MS4A1: variants seen among roughly 807,000 people sequenced by gnomAD.
MS4A1 encodes the protein B-lymphocyte antigen CD20.
In MS4A1, 16 loss-of-function variants were observed where a neutral mutation model predicts 26.5. That is an observed-to-expected ratio of 0.60 (90% CI 0.41 to 0.92). The LOEUF (loss-of-function observed/expected upper bound fraction) is 0.92. Ranked by LOEUF, MS4A1 falls within the 40% of genes least tolerant of loss-of-function variation. The pLI is 0.00. For synonymous variants in MS4A1, 128 were observed against 117.6 expected (o/e 1.09, Z -0.57); for missense variants, 350 against 353.0 (o/e 0.99, Z 0.07).
intron 1 of MS4A1, among the ~76,000 whole-genome samples, chr11:60,460,314 G>A (rs1050583471): frequency 8.2e-4 from 124 of 152,114 alleles, no homozygotes; most frequent in African/African-American, 2.8e-3. Context: ...TAGCTTCTCC[G>A]TGCCCTTGTT....
chr11:60,465,854 TC>T, intron 5 of MS4A1, 66 bp from the exon 6 acceptor site: 1 of 1,266,908 alleles, frequency 7.9e-7, no homozygotes, highest in Non-Finnish European at 1.2e-6. Context: ...CATTTGGAAT[TC>T]CCTCCCAGAT....
chr11:60,462,546 C>T lies in MS4A1; in HGVS notation c.159+13C>T, dbSNP rs750956381. The T allele has an allele frequency of 1.9e-6, 3 of 1,614,018 alleles. No individual in the cohort carries two copies. Among genetic ancestry groups the T allele is most frequent in the East Asian group, 2.2e-5 (1 of 44,892 alleles). Reference sequence around the variant, plus strand: ...TAAGACTTTGGGGGTAAGTCAGTTGCCTTCCATCCCATGTCGTAGGGATTC... The same window carrying T: ...TAAGACTTTGGGGGTAAGTCAGTTGTCTTCCATCCCATGTCGTAGGGATTC... On this transcript the variant is annotated intron_variant, in intron 3 of 7. Transcript: ENST00000345732.
chr11:60,461,521 G>A lies in MS4A1; in HGVS notation c.-191+361G>A, dbSNP rs568432335. ...ATACTGCATTAGAAAGCCTTAGAGAGCCTTTTCTTTTTCTTTGAGACCGAG... is the reference window on the plus strand; with the variant it reads ...ATACTGCATTAGAAAGCCTTAGAGAACCTTTTCTTTTTCTTTGAGACCGAG... On this transcript the variant is annotated intron_variant, in intron 2 of 7. Coordinates refer to ENST00000345732, the MANE Select transcript of MS4A1 (RefSeq NM_152866.3). 9.2e-5 allele frequency among the ~76,000 whole-genome samples: 14 copies of A among 151,664 alleles called. No individual in the cohort carries two copies. In the East Asian group the frequency reaches 2.7e-3, roughly 30 times the overall value.
intron 1 of MS4A1, among the ~76,000 whole-genome samples, chr11:60,456,467 A>G (rs570592278): frequency 1.2e-4 from 18 of 152,336 alleles, no homozygotes; most frequent in African/African-American, 4.3e-4. Context: ...TTTTGTCTAC[A>G]TTAAATGTAA....
At chr11:60,462,623 A>G in intron 3 of MS4A1, 90 bp downstream of exon 3, 11 of 1,543,326 alleles carry the variant, frequency 7.1e-6, no homozygotes, top group Non-Finnish European at 9.8e-6. Context: ...ATTCAATCCA[A>G]TTTGAAGAAT....
chr11:60,456,266 A>G (rs1424998663), intron 1 of MS4A1, among the ~76,000 whole-genome samples: 1 of 152,210 alleles, frequency 6.6e-6, no homozygotes, highest in African/African-American at 2.4e-5. Context: ...AACAAACAAT[A>G]TAACCTTGGG....
At chr11:60,464,905 G>A (rs1176341876) in intron 5 of MS4A1, among the ~76,000 whole-genome samples, 1 of 152,198 alleles carries the variant, frequency 6.6e-6, no homozygotes, top group African/African-American at 2.4e-5. Context: ...TCTAGATCCA[G>A]AGGAAACTGG....
chr11:60,465,517 T>C (rs185449533), intron 5 of MS4A1, among the ~76,000 whole-genome samples: 6 of 152,194 alleles, frequency 3.9e-5, no homozygotes, highest in East Asian at 1.9e-4. Context: ...ACAAGAAACT[T>C]CTTCACTCTC....
chr11:60,466,583 T>TA (rs923523005), intron 6 of MS4A1: 284 of 315,768 alleles, frequency 9.0e-4, no homozygotes, highest in Middle Eastern at 2.1e-3. Flanking sequence ...TTGAAAGAGA[T>TA]AAAAAAAAAT....
chr11:60,465,886 C>A (rs748919974), intron 5 of MS4A1, 35 bp from the exon 6 acceptor site: 2 of 1,540,926 alleles, frequency 1.3e-6, no homozygotes, highest in East Asian at 2.2e-5. Flanking sequence ...AAAGGGAAAT[C>A]AAACCCAATT....
rs1310400467 is a variant in MS4A1 at position 60,461,149 on chromosome 11, T to G, written c.-202T>G. On this transcript the variant is annotated 5_prime_UTR_variant, in exon 2 of 8. In the 5' UTR this introduces an upstream ATG that the reference lacks. Coordinates refer to ENST00000345732, the MANE Select transcript of MS4A1 (RefSeq NM_152866.3). ...GGGGAAGAGACTGACAATAAGCAAT[T>G]AAATAAATAAGGTAATTTCCTACAG... is the stretch of plus-strand genomic sequence containing the variant. 2.0e-5 allele frequency: 3 copies of G among 151,776 alleles called. No homozygotes were observed. Among genetic ancestry groups the G allele is most frequent in the Non-Finnish European group, 4.4e-5 (3 of 68,034 alleles). The allele number at this position is 151,776 out of a possible 1,614,324, so 9.4% of individuals were successfully genotyped here. A position where few individuals can be genotyped will look rare whatever the true frequency, so the allele number is the denominator to read the frequency against.
At chr11:60,466,221 T>C (rs2086290585) in intron 6 of MS4A1, 64 bp downstream of exon 6, 2 of 1,300,316 alleles carry the variant, frequency 1.5e-6, no homozygotes, top group Non-Finnish European at 2.2e-6. Context: ...ACTTGTTTAT[T>C]ATGAGCATGA....
Position 60,468,438 on chromosome 11 carries a change from C to T in MS4A1, c.864C>T (p.Ser288=), listed in dbSNP as rs2086313908. The T allele has an allele frequency of 1.2e-6, 2 of 1,614,112 alleles. No individual in the cohort carries two copies. The highest frequency in any genetic ancestry group is 1.1e-5 in the South Asian group (1 of 91,080). Residue 288 remains serine, a synonymous_variant, in exon 8 of 8, where the codon TCC becomes TCT. Transcript: ENST00000345732. ...CAGAACCTCCCCAAGATCAGGAATCCTCACCAATAGAAAATGACAGCTCTC... is the reference window on the plus strand; with the variant it reads ...CAGAACCTCCCCAAGATCAGGAATCTTCACCAATAGAAAATGACAGCTCTC... ...NFPEPPQDQE[S]SPIENDSSP
rs146194368 is a variant in MS4A1, at chr11:60,468,453, T to C, written c.879T>C (p.Asn293=). 4.3e-4 allele frequency: 700 copies of C among 1,613,914 alleles called. No homozygotes were observed. Among genetic ancestry groups the C allele is most frequent in the Middle Eastern group, 3.3e-4 (2 of 6,084 alleles). ...ATCAGGAATCCTCACCAATAGAAAA[T>C]GACAGCTCTCCTTAAGTGATTTCTT... ...PQDQESSPIE[N]DSSP Residue 293 remains asparagine (N), a synonymous_variant, in exon 8 of 8, where the codon AAT becomes AAC. Transcript: ENST00000345732.
intron 4 of MS4A1, chr11:60,463,618 C>T (rs1349683737): frequency 9.0e-6 from 3 of 332,938 alleles, no homozygotes; most frequent in Non-Finnish European, 1.2e-5. Context: ...AATCTGTAAC[C>T]CTGTCTGGGT....
At position 60,463,079 on chromosome 11, in the gene MS4A1, C is replaced by T. The variant is rs1172305132; in HGVS notation, c.237C>T (p.Pro79=). The T allele has an allele frequency of 1.2e-6, 2 of 1,614,124 alleles. No homozygotes were observed. Among genetic ancestry groups the T allele is most frequent in the Non-Finnish European group, 1.7e-6 (2 of 1,180,000 alleles). ...TGATCCCAGCAGGGATCTATGCACC[C>T]ATCTGTGTGACTGTGTGGTACCCTC... The part of the protein sequence containing the change: ...LLMIPAGIYA[P]ICVTVWYPLW... Residue 79 remains proline (P), a synonymous_variant, in exon 4 of 8, where the codon CCC becomes CCT. Transcript: ENST00000345732.
chr11:60,463,431 C>G (rs1452033660), intron 4 of MS4A1, among the ~76,000 whole-genome samples: 1 of 152,148 alleles, frequency 6.6e-6, no homozygotes, highest in African/African-American at 2.4e-5. Context: ...GACTAGATAG[C>G]AAGATGTTTT....
Position 60,469,994 on chromosome 11 carries a change from G to C in MS4A1, c.*1526G>C, listed in dbSNP as rs1590849598. 1 of 152,034 alleles carries C rather than the reference G, an allele frequency of 6.6e-6. No individual in the cohort carries two copies. The highest frequency in any genetic ancestry group is 1.5e-5 in the Non-Finnish European group (1 of 67,898). 9.4% of individuals were successfully genotyped at this position (152,034 alleles called of 1,614,324 possible). ...GAAAAAAAGGAGATAGAAGATTTCT[G>C]TCTATGTAAAGTTCTCAAAATTTGT... On this transcript the variant is annotated 3_prime_UTR_variant, in exon 8 of 8. Coordinates refer to ENST00000345732, the MANE Select transcript of MS4A1 (RefSeq NM_152866.3).
rs764382256 is a variant in MS4A1 at position 60,464,391 on chromosome 11, AT to A, written c.336+54del. ...TTTCCCACATGTCAGAGAAGTACCT[AT>A]TTTTTTCGGTTAAAAACTGAGACCC... On this transcript the variant is annotated intron_variant, in intron 5 of 7. Transcript: ENST00000345732. 17 of 1,577,810 alleles carry A rather than the reference AT, an allele frequency of 1.1e-5. No homozygotes were observed. In the African/African-American group the frequency reaches 1.4e-4, roughly 13 times the overall value.
Sources: gnomAD v4.1 joint callset for allele counts (sites outside exome capture counted in the v4.1 genomes callset) on GRCh38, gnomAD v4.1.1 for gene constraint, MANE v1.5 for transcripts, NCBI Gene and HGNC (gene_info 2026-07-23, HGNC 2026-07-21) for gene names.